FAM241A: variants seen among roughly 807,000 people sequenced by gnomAD.
FAM241A encodes the protein family with sequence similarity 241 member A.
FAM241A carries 7 observed loss-of-function variants against 12.2 expected under a neutral mutation model. The ratio of observed to expected loss-of-function variants is 0.58; its 90% confidence interval spans 0.33 to 1.08. The LOEUF (loss-of-function observed/expected upper bound fraction) is 1.08. FAM241A is among the 50% of genes least tolerant of loss of function. FAM241A has a pLI of 0.04. For missense variants in FAM241A, 161 were observed against 169.7 expected, an observed-to-expected ratio of 0.95 and a Z score of 0.29; for synonymous variants, 74 against 68.2, an observed-to-expected ratio of 1.08 and a Z score of -0.42.
At chr4:112,159,625 C>T (rs1264646700) in intron 1 of FAM241A, among the ~76,000 whole-genome samples, 2 of 149,274 alleles carry the variant, frequency 1.3e-5, no homozygotes, top group Non-Finnish European at 1.5e-5. Flanking sequence ...GATAGTTCAA[C>T]ATACACAAAT....
At chr4:112,152,720 G>A (rs996689055) in intron 1 of FAM241A, among the ~76,000 whole-genome samples, 3 of 151,966 alleles carry the variant, frequency 2.0e-5, no homozygotes, top group Admixed American at 1.3e-4. Flanking sequence ...TTCCACTTCA[G>A]TGCAGAAGCT....
chr4:112,161,942 A>G (rs994141359), intron 1 of FAM241A, among the ~76,000 whole-genome samples: 2 of 152,236 alleles, frequency 1.3e-5, no homozygotes, highest in African/African-American at 4.8e-5. Context: ...CCAGCAGCAC[A>G]TCAAAAAGCT....
chr4:112,186,897 G>C lies in FAM241A; in HGVS notation c.358G>C (p.Val120Leu), dbSNP rs1724054447. The change falls in exon 2 of 2, where the codon GTT (valine) becomes CTT (leucine). Residue 120 changes from valine to leucine, a missense_variant. Coordinates refer to ENST00000309733, the MANE Select transcript of FAM241A (RefSeq NM_152400.3). ...CCTTGGCCTGCAAGCCCTTGGACTA[G>C]TTGCTGTTCTTTGCCTTGTTATTAT... is the stretch of plus-strand genomic sequence containing the variant. The part of the protein sequence containing the change: ...WFLGLQALGL[V>L]AVLCLVIIYV... 1 of 1,614,054 alleles carries C rather than the reference G, an allele frequency of 6.2e-7. No homozygotes were observed. Among genetic ancestry groups the C allele is most frequent in the Non-Finnish European group, 8.5e-7 (1 of 1,179,950 alleles).
rs1312392681 is a variant in FAM241A, at chr4:112,192,412, T to A, written c.*5474T>A. On this transcript the variant is annotated 3_prime_UTR_variant, in exon 2 of 2. Coordinates refer to ENST00000309733, the MANE Select transcript of FAM241A (RefSeq NM_152400.3). ...GTACAATGTGCAGGTTAGTTACATA[T>A]GTATACATGTGCCATGCTAGTGTGC... The A allele has an allele frequency of 6.6e-6, 1 of 152,028 alleles. No homozygotes were observed. The highest frequency in any genetic ancestry group is 2.4e-5 in the African/African-American group (1 of 41,348). 9.4% of individuals were successfully genotyped at this position (152,028 alleles called of 1,614,324 possible).
rs184453352 is a variant in FAM241A at position 112,170,258 on chromosome 4, C to G, written c.154-16435C>G. On this transcript the variant is annotated intron_variant, in intron 1 of 1. Coordinates refer to ENST00000309733, the MANE Select transcript of FAM241A (RefSeq NM_152400.3). ...GTTATTAAGCACATACAGTAGTCCC[C>G]CCTTATCCACAGGGGATACATTCTA... Among the ~76,000 whole-genome samples the G allele has an allele frequency of 4.2e-3, 639 of 152,210 alleles. 7 individuals carry two copies. Among genetic ancestry groups the G allele is most frequent in the African/African-American group, 0.015 (613 of 41,534 alleles).
At chr4:112,171,302 C>T in intron 1 of FAM241A, 1 of 756,014 alleles carries the variant, frequency 1.3e-6, no homozygotes, top group Non-Finnish European at 2.4e-6. Context: ...ACAAGAAGGG[C>T]AAGGATTCTC....
intron 1 of FAM241A, among the ~76,000 whole-genome samples, chr4:112,165,851 C>A (rs1387394275): frequency 1.3e-5 from 2 of 152,068 alleles, no homozygotes; most frequent in Non-Finnish European, 2.9e-5. Flanking sequence ...GATAGTACAA[C>A]AGAGTGATTG....
chr4:112,147,305 A>C (rs907199380), intron 1 of FAM241A, among the ~76,000 whole-genome samples: 4 of 151,222 alleles, frequency 2.6e-5, no homozygotes, highest in African/African-American at 9.7e-5. Flanking sequence ...TTGAAGTGTT[A>C]TTTTTATCAT....
At position 112,192,790 on chromosome 4, in the gene FAM241A, A is replaced by G. The variant is rs1724193513; in HGVS notation, c.*5852A>G. Reference sequence around the variant, plus strand: ...GTTCCAAGTCTTTGCTATTGTGAATAGTGCTGCAATAAACATACGTGTGCA... The same window carrying G: ...GTTCCAAGTCTTTGCTATTGTGAATGGTGCTGCAATAAACATACGTGTGCA... On this transcript the variant is annotated 3_prime_UTR_variant, in exon 2 of 2. Coordinates refer to ENST00000309733, the MANE Select transcript of FAM241A (RefSeq NM_152400.3). 1 of 151,772 alleles carries G rather than the reference A, an allele frequency of 6.6e-6. No homozygotes were observed. Among genetic ancestry groups the G allele is most frequent in the African/African-American group, 2.4e-5 (1 of 41,242 alleles). 9.4% of individuals were successfully genotyped at this position (151,772 alleles called of 1,614,324 possible). A position where few individuals can be genotyped will look rare whatever the true frequency, so the allele number is the denominator to read the frequency against.
intron 1 of FAM241A, among the ~76,000 whole-genome samples, chr4:112,181,757 CTG>C (rs987691339): frequency 6.6e-6 from 1 of 152,296 alleles, no homozygotes; most frequent in African/African-American, 2.4e-5. Flanking sequence ...TGAAAGACCT[CTG>C]TGGCTGAAAT....
rs181796336 is a variant in FAM241A, at chr4:112,165,056, G to A, written c.153+19323G>A. 1.4e-3 allele frequency among the ~76,000 whole-genome samples: 217 copies of A among 152,214 alleles called. 2 individuals carry two copies. Among genetic ancestry groups the A allele is most frequent in the Non-Finnish European group, 6.2e-4 (42 of 68,008 alleles). ...TTCAAGACTACAGTGAGCTGTGATC[G>A]CACCACCGCACTCCAGCCTGGATGA... On this transcript the variant is annotated intron_variant, in intron 1 of 1. Transcript: ENST00000309733.
chr4:112,165,448 A>G (rs1273404542), intron 1 of FAM241A, among the ~76,000 whole-genome samples: 2 of 152,238 alleles, frequency 1.3e-5, no homozygotes, highest in African/African-American at 4.8e-5. Context: ...AGAGATATCT[A>G]CACTCTCATA....
At chr4:112,168,685 A>G (rs1440118899) in intron 1 of FAM241A, among the ~76,000 whole-genome samples, 1 of 151,766 alleles carries the variant, frequency 6.6e-6, no homozygotes, top group African/African-American at 2.4e-5. Flanking sequence ...TTAATTTGAG[A>G]CAGTGTTTGG....
intron 1 of FAM241A, among the ~76,000 whole-genome samples, chr4:112,184,798 A>G (rs1724007473): frequency 1.3e-5 from 2 of 152,222 alleles, no homozygotes; most frequent in South Asian, 2.1e-4. Context: ...CTCTATGTGT[A>G]CAATAGAAAA....
At chr4:112,171,566 T>C (rs1723720694) in intron 1 of FAM241A, 2 of 720,744 alleles carry the variant, frequency 2.8e-6, no homozygotes, top group Non-Finnish European at 5.1e-6. Flanking sequence ...GACTATAAAA[T>C]CTTGAGTTTA....
At chr4:112,167,383 T>C (rs1324318733) in intron 1 of FAM241A, among the ~76,000 whole-genome samples, 2 of 151,674 alleles carry the variant, frequency 1.3e-5, no homozygotes. Flanking sequence ...ACACCTAGAG[T>C]GACTAGTAGG....
chr4:112,165,991 C>G (rs1445832902), intron 1 of FAM241A, among the ~76,000 whole-genome samples: 5 of 151,856 alleles, frequency 3.3e-5, no homozygotes, highest in Non-Finnish European at 7.4e-5. Context: ...ACATTGTATA[C>G]CTGTATCAAA....
chr4:112,165,135 A>G (rs113489935), intron 1 of FAM241A, among the ~76,000 whole-genome samples: 3,914 of 152,356 alleles, frequency 0.026, 83 homozygotes, highest in Non-Finnish European at 0.038. Flanking sequence ...ACAAATGGCA[A>G]ACAGGCATAT....
chr4:112,154,964 G>A (rs1723323101), intron 1 of FAM241A, among the ~76,000 whole-genome samples: 2 of 152,058 alleles, frequency 1.3e-5, no homozygotes, highest in African/African-American at 4.8e-5. Flanking sequence ...AACCCAGGAG[G>A]CAGAGGTTGC....
Sources: gnomAD v4.1 joint callset for allele counts (sites outside exome capture counted in the v4.1 genomes callset) on GRCh38, gnomAD v4.1.1 for gene constraint, MANE v1.5 for transcripts, NCBI Gene and HGNC (gene_info 2026-07-23, HGNC 2026-07-21) for gene names.